Variants in TTN observed in about 807,000 individuals in gnomAD.
The protein encoded by TTN is connectin.
Under a neutral mutation model 3,223.0 loss-of-function variants are expected in TTN, and 1,525 were observed. The ratio of observed to expected loss-of-function variants is 0.47; its 90% confidence interval spans 0.45 to 0.49. The LOEUF is 0.49. TTN is among the 20% of genes least tolerant of loss of function. TTN has a pLI of 0.00. For missense variants in TTN, 40,786 were observed against 43,424.0 expected, an observed-to-expected ratio of 0.94 and a Z score of 5.40; for synonymous variants, 14,094 against 15,161.0, an observed-to-expected ratio of 0.93 and a Z score of 5.17.
Position 178,775,955 on chromosome 2 carries a change from G to A in TTN, c.5909C>T (p.Thr1970Ile). 1 of 1,614,084 alleles carries A rather than the reference G, an allele frequency of 6.2e-7. No homozygotes were observed. The highest frequency in any genetic ancestry group is 8.5e-7 in the Non-Finnish European group (1 of 1,179,992). ...CTTCACAACTTCTTTGGTTTCAGTG[G>A]TGTCAACAGGTCTATCCACTTTTTG... ...EVQKVDRPVD[T>I]TETKEVVKLK... The change falls in exon 28 of 363, where the codon ACC becomes ATC. Residue 1970 changes from threonine to isoleucine, a missense_variant. Coordinates refer to ENST00000589042, the MANE Select transcript of TTN (RefSeq NM_001267550.2).
In TTN at chr2:178,597,712, C is replaced by T. The variant is rs142841000; in HGVS notation, c.57370G>A (p.Val19124Ile). ...GTTCTTTCATTCATGTTCCAGGTGA[C>T]GGTTGGAGGAGGCTTTCCAGACACA... ...AYVSGKPPPTVTWNMNERTLP... is the reference protein window; with the variant it reads ...AYVSGKPPPTITWNMNERTLP... The change falls in exon 294 of 363, where the codon GTC becomes ATC. Residue 19124 changes from valine to isoleucine, a missense_variant. Physicochemically the swap from Val to Ile is conservative, Grantham distance 29. Transcript: ENST00000589042. The T allele has an allele frequency of 7.9e-5, 128 of 1,613,240 alleles. No homozygotes were observed. In the African/African-American group the frequency reaches 1.4e-3, roughly 17 times the overall value.
rs876658091 is a variant in TTN, at chr2:178,553,630, G to A, written c.89375C>T (p.Thr29792Ile). Reference protein sequence around the residue: ...TTVSTKGEVRTTEYVVSNLKP... With the variant: ...TTVSTKGEVRITEYVVSNLKP... Reference sequence around the variant, plus strand: ...CAGGTTGGATACCACATATTCTGTAGTTCTGACCTCTCCTTTGGTAGAGAC... The same window carrying A: ...CAGGTTGGATACCACATATTCTGTAATTCTGACCTCTCCTTTGGTAGAGAC... Residue 29792 changes from threonine to isoleucine, a missense_variant, in exon 334 of 363, where the codon ACT becomes ATT. By Grantham distance (89) the Thr-to-Ile change is moderately conservative. Transcript: ENST00000589042. 54 of 1,613,734 alleles carry A rather than the reference G, an allele frequency of 3.3e-5. No individual in the cohort carries two copies. Among genetic ancestry groups the A allele is most frequent in the Non-Finnish European group, 4.0e-5 (47 of 1,179,826 alleles).
Position 178,793,546 on chromosome 2 carries a change from T to C in TTN, c.1399-5A>G, listed in dbSNP as rs1321315457. ...CTTCTCCGCTTCCTTTCTTACCTGC[T>C]TTTCATAGAGAAAGGAAGAAAACAC... On this transcript the variant is annotated splice_polypyrimidine_tract_variant and splice_region_variant and intron_variant, in intron 8 of 362. Transcript: ENST00000589042. 2 of 1,613,574 alleles carry C rather than the reference T, an allele frequency of 1.2e-6. No homozygotes were observed.
chr2:178,688,239 G>A lies in TTN; in HGVS notation c.32198-15C>T, dbSNP rs763115026. On this transcript the variant is annotated splice_polypyrimidine_tract_variant and intron_variant, in intron 126 of 362. Coordinates refer to ENST00000589042, the MANE Select transcript of TTN (RefSeq NM_001267550.2). ...CTCTGCAGATACTTTAAAAGATAAG[G>A]TTTCATTTAAATTCAGCCTGCTGAG... 6.2e-7 allele frequency: 1 copy of A among 1,606,170 alleles called. No homozygotes were observed. Among genetic ancestry groups the A allele is most frequent in the African/African-American group, 1.3e-5 (1 of 74,906 alleles).
In TTN at chr2:178,540,343, C is replaced by G. The variant is rs757187219; in HGVS notation, c.97823G>C (p.Arg32608Thr). 1 of 1,613,104 alleles carries G rather than the reference C, an allele frequency of 6.2e-7. No homozygotes were observed. ...TGATGTCCTTGTTGTATCAGTAACT[C>G]TTGGGTTTTGTGGCTTTCCTGGAGG... ...IAPPGKPQNP[R>T]VTDTTRTSVS... The change falls in exon 351 of 363, where the codon AGA (arginine) becomes ACA (threonine). Residue 32608 changes from arginine to threonine, a missense_variant. By Grantham distance (71) the Arg-to-Thr change is moderately conservative (BLOSUM62 -1). Transcript: ENST00000589042.
In TTN at chr2:178,532,270, T is replaced by C. The variant is rs878877597; in HGVS notation, c.104345A>G (p.His34782Arg). 6.2e-7 allele frequency: 1 copy of C among 1,613,912 alleles called. No homozygotes were observed. Among genetic ancestry groups the C allele is most frequent in the Admixed American group, 1.7e-5 (1 of 60,022 alleles). ...ELLRPVTTTQ[H>R]LSEYKSELDF... is the part of the protein sequence containing the mutation. ...AAGTTCGCTTTTGTATTCTGAGAGA[T>C]GCTGGGTGGTCGTAACTGGGCGAAG... is the stretch of plus-strand genomic sequence containing the variant. The change falls in exon 358 of 363, where the codon CAT (histidine) becomes CGT (arginine). Residue 34782 changes from histidine (H) to arginine (R), a missense_variant. Coordinates refer to ENST00000589042, the MANE Select transcript of TTN (RefSeq NM_001267550.2).
chr2:178,594,626 C>G lies in TTN; in HGVS notation c.57868G>C (p.Asp19290His), dbSNP rs770980138. The G allele has an allele frequency of 1.9e-6, 3 of 1,609,758 alleles. No homozygotes were observed. The highest frequency in any genetic ancestry group is 2.5e-6 in the Non-Finnish European group (3 of 1,177,492). The change falls in exon 296 of 363, where the codon GAC becomes CAC. Residue 19290 changes from aspartate (D) to histidine (H), a missense_variant. Transcript: ENST00000589042. ...TTAGTAACTTCTTTGACTTCCAGGT[C>G]TTCAGGACGCTCTGGTACAGCTGCG... The part of the protein sequence containing the change: ...EPITVPERPE[D>H]LEVKEVTKNT...
chr2:178,715,419 G>A, intron 89 of TTN, 74 bp downstream of exon 89: 2 of 1,535,594 alleles, frequency 1.3e-6, no homozygotes, highest in African/African-American at 1.4e-5. Flanking sequence ...TCGTTGAAGA[G>A]TCAAACAGGA....
intron 278 of TTN, among the ~76,000 whole-genome samples, 156 bp downstream of exon 278, chr2:178,606,865 C>A (rs2055010961): frequency 6.6e-6 from 1 of 151,926 alleles, no homozygotes; most frequent in Non-Finnish European, 1.5e-5. Flanking sequence ...AATATGATAT[C>A]TTTAATGTTG....
rs1561019775 is a variant in TTN at position 178,750,159 on chromosome 2, GATTT to G, written c.11311+2961_11311+2964del. Reference sequence around the variant, plus strand: ...GGTGGGTTAGTTTTTAACAAATGAAGATTTGTTTGGCCCTCTTGACTCATAGATG... The same window carrying G: ...GGTGGGTTAGTTTTTAACAAATGAAGGTTTGGCCCTCTTGACTCATAGATG... On this transcript the variant is annotated intron_variant, in intron 47 of 362. Coordinates refer to ENST00000589042, the MANE Select transcript of TTN (RefSeq NM_001267550.2). 3 of 1,613,174 alleles carry G rather than the reference GATTT, an allele frequency of 1.9e-6. No homozygotes were observed. The South Asian group carries it at 3.3e-5, about 18-fold the overall frequency.
At chr2:178,782,189 T>C (rs1344826552) in intron 20 of TTN, 23 bp downstream of exon 20, 11 of 1,613,298 alleles carry the variant, frequency 6.8e-6, no homozygotes, top group Non-Finnish European at 7.6e-6. Context: ...CACAGAGAAC[T>C]CTATATTCAG....
Position 178,601,526 on chromosome 2 carries a change from T to C in TTN, c.55471A>G (p.Ile18491Val). Residue 18491 changes from isoleucine to valine, a missense_variant, in exon 287 of 363, where the codon ATC becomes GTC. Physicochemically the swap from Ile to Val is conservative, Grantham distance 29. Transcript: ENST00000589042. ...GPPKDLKVSDITRGSCRLSWK... is the reference protein window; with the variant it reads ...GPPKDLKVSDVTRGSCRLSWK... ...GAAAGTCTGCAACTACCCCTTGTGATATCACTGACTTTCAGATCTTTGGGT... is the reference window on the plus strand; with the variant it reads ...GAAAGTCTGCAACTACCCCTTGTGACATCACTGACTTTCAGATCTTTGGGT... 1 of 1,612,748 alleles carries C rather than the reference T, an allele frequency of 6.2e-7. No homozygotes were observed.
chr2:178,719,579 G>T lies in TTN; in HGVS notation c.23913C>A (p.Asn7971Lys). Residue 7971 changes from asparagine to lysine, a missense_variant, in exon 82 of 363, where the codon AAC becomes AAA. By Grantham distance (94) the Asn-to-Lys change is moderately conservative. Transcript: ENST00000589042. ...CAGAAACATGGACGGATACAGTGCA[G>T]TTACTTTTGCCAACACTGTTTTTCA... is the stretch of plus-strand genomic sequence containing the variant. ...FEVKNSVGKS[N>K]CTVSVHVSDR... The T allele has an allele frequency of 1.2e-6, 2 of 1,611,164 alleles. No homozygotes were observed. The highest frequency in any genetic ancestry group is 1.7e-6 in the Non-Finnish European group (2 of 1,177,758).
In TTN at chr2:178,598,041, C is replaced by G. The variant is rs1158953463; in HGVS notation, c.57129G>C (p.Val19043=). The change falls in exon 293 of 363, where the codon GTG becomes GTC. Residue 19043 remains valine, a synonymous_variant. Coordinates refer to ENST00000589042, the MANE Select transcript of TTN (RefSeq NM_001267550.2). Reference sequence around the variant, plus strand: ...CTGTCACAACAAGCTTTGTTCCTCTCACTTCTTTATCTTTACCCTGGGGAG... The same window carrying G: ...CTGTCACAACAAGCTTTGTTCCTCTGACTTCTTTATCTTTACCCTGGGGAG... ...EEWEKGKDKE[V]RGTKLVVTGL... 3.7e-6 allele frequency: 6 copies of G among 1,612,740 alleles called. No homozygotes were observed. The African/African-American group carries it at 8.0e-5, about 22-fold the overall frequency.
Position 178,715,125 on chromosome 2 carries a change from C to G in TTN, c.26061G>C (p.Lys8687Asn). Residue 8687 changes from lysine to asparagine, a missense_variant, in exon 90 of 363, where the codon AAG (lysine) becomes AAC (asparagine). Physicochemically the swap from Lys to Asn is moderately conservative, Grantham distance 94 (BLOSUM62 0). Transcript: ENST00000589042. The part of the protein sequence containing the change: ...YKDKRELRSG[K>N]KYKIMSENFL... ...AGTTCTCAGACATTATCTTGTACTT[C>G]TTGCCGCTCCTAAGTTCTCTCTTGT... 6.2e-7 allele frequency: 1 copy of G among 1,613,738 alleles called. No homozygotes were observed. Among genetic ancestry groups the G allele is most frequent in the Non-Finnish European group, 8.5e-7 (1 of 1,179,716 alleles).
chr2:178,549,728 AG>A lies in TTN; in HGVS notation c.91993del (p.Ala30666ProfsTer4), dbSNP rs1184406908. On this transcript the variant is annotated frameshift_variant, in exon 338 of 363. Transcript: ENST00000589042. LOFTEE classifies it high-confidence loss of function. Reference sequence around the variant, plus strand: ...TTTATCCTCAATTAGTGCCCAGGCAAGTCTGCTGGTTTCCCGTTTTTCAATG... The same window carrying A: ...TTTATCCTCAATTAGTGCCCAGGCAATCTGCTGGTTTCCCGTTTTTCAATG... ...YIIEKRETSR[L>X]AWALIEDKCE... 6.2e-7 allele frequency: 1 copy of A among 1,613,652 alleles called. No individual in the cohort carries two copies. The highest frequency in any genetic ancestry group is 8.5e-7 in the Non-Finnish European group (1 of 1,179,768).
At chr2:178,791,663 A>ATGTGTG (rs58282760) in intron 10 of TTN, among the ~76,000 whole-genome samples, 11,730 of 147,230 alleles carry the variant, frequency 0.08, 577 homozygotes, top group Admixed American at 0.15. Context: ...GTATGTGTAT[A>ATGTGTG]TGTGTGTGTG....
chr2:178,733,846 T>C lies in TTN; in HGVS notation c.15543A>G (p.Gly5181=). 1 of 1,608,294 alleles carries C rather than the reference T, an allele frequency of 6.2e-7. No homozygotes were observed. Among genetic ancestry groups the C allele is most frequent in the African/African-American group, 1.3e-5 (1 of 74,908 alleles). The change falls in exon 53 of 363, where the codon GGA becomes GGG. Residue 5181 remains glycine (G), a synonymous_variant. Coordinates refer to ENST00000589042, the MANE Select transcript of TTN (RefSeq NM_001267550.2). The stretch of plus-strand genomic sequence containing the variant: ...CAGCTTGCAGGGTAACGGTTTGTCC[T>C]CCTAGTGCAATCAAATCATCTACTT... ...VKKVDDLIAL[G]GQTVTLQAAV...
rs189030321 is a variant in TTN, at chr2:178,557,906, T to C, written c.87448A>G (p.Ile29150Val). The C allele has an allele frequency of 6.2e-7, 1 of 1,613,584 alleles. No individual in the cohort carries two copies. Among genetic ancestry groups the C allele is most frequent in the South Asian group, 1.1e-5 (1 of 91,086 alleles). The change falls in exon 328 of 363, where the codon ATA becomes GTA. Residue 29150 changes from isoleucine (I) to valine (V), a missense_variant. Coordinates refer to ENST00000589042, the MANE Select transcript of TTN (RefSeq NM_001267550.2). ...TTGAGAGTCACACTTTCTTCAGTTA[T>C]ATCACTAATAACAACAGGGCCAGTT... is the stretch of plus-strand genomic sequence containing the variant. ...PPTGPVVISD[I>V]TEESVTLKWE...
Sources: gnomAD v4.1 joint callset for allele counts (sites outside exome capture counted in the v4.1 genomes callset) on GRCh38, gnomAD v4.1.1 for gene constraint, MANE v1.5 for transcripts, NCBI Gene and HGNC (gene_info 2026-07-23, HGNC 2026-07-21) for gene names.